The following ERC1 variants were observed in gnomAD, a reference collection of about 807,000 sequenced individuals.
ERC1 encodes ELKS/RAB6-interacting/CAST family member 1.
A neutral mutation model predicts 132.0 loss-of-function variants in ERC1; 56 were observed. The observed-to-expected ratio is 0.42, with a 90% CI of 0.34 to 0.53. The LOEUF (loss-of-function observed/expected upper bound fraction) is 0.53, where lower values mean the gene tolerates loss of function less well. ERC1 is among the 20% of genes least tolerant of loss of function. ERC1 has a pLI of 0.03. For synonymous variants in ERC1, 478 were observed against 476.1 expected (o/e 1.00, Z -0.05); for missense variants, 1,202 against 1,349.9 (o/e 0.89, Z 1.72).
chr12:1,240,079 A>C (rs77384561), intron 13 of ERC1, among the ~76,000 whole-genome samples: 1,795 of 152,340 alleles, frequency 0.012, 26 homozygotes, highest in South Asian at 0.076. Context: ...ACAGAGGAGC[A>C]AGAATGAAGG....
intron 7 of ERC1, among the ~76,000 whole-genome samples, chr12:1,118,897 A>G (rs928143002): frequency 6.6e-6 from 1 of 152,198 alleles, no homozygotes; most frequent in Non-Finnish European, 1.5e-5. Flanking sequence ...TAGAGATAGA[A>G]TCTTACTCTG....
chr12:1,121,512 T>C (rs933194907), intron 7 of ERC1, among the ~76,000 whole-genome samples: 1 of 152,206 alleles, frequency 6.6e-6, no homozygotes, highest in African/African-American at 2.4e-5. Context: ...AGGCATCTTT[T>C]GTGACGAGAT....
intron 18 of ERC1, among the ~76,000 whole-genome samples, chr12:1,484,071 T>TCCA (rs1208349351): frequency 6.6e-5 from 10 of 151,010 alleles, no homozygotes; most frequent in East Asian, 6.0e-4. Context: ...TTTGGGAGGC[T>TCCA]GAGGCGGGCG....
rs1280579926 is a variant in ERC1, at chr12:1,408,213, C to A, written c.2990C>A (p.Ser997Tyr). 1.4e-5 allele frequency: 22 copies of A among 1,613,970 alleles called. No homozygotes were observed. Among genetic ancestry groups the A allele is most frequent in the Non-Finnish European group, 1.9e-5 (22 of 1,179,952 alleles). Reference protein sequence around the residue: ...YEDDHFKSSHSNQTNHKPSPD... With the variant: ...YEDDHFKSSHYNQTNHKPSPD... ...GATGACCACTTCAAATCCTCCCATT[C>A]CAATCAAACAAATCACAAGCCCTCC... The change falls in exon 17 of 19, where the codon TCC becomes TAC. Residue 997 changes from serine to tyrosine, a missense_variant. Ser to Tyr is a moderately radical substitution (Grantham distance 144, BLOSUM62 -2). Transcript: ENST00000360905.
intron 14 of ERC1, among the ~76,000 whole-genome samples, chr12:1,276,818 T>C (rs1038327116): frequency 2.0e-5 from 3 of 152,226 alleles, no homozygotes; most frequent in African/African-American, 7.2e-5. Context: ...GTTTGCAGCA[T>C]CACTGTACTT....
At chr12:1,447,872 A>T (rs1219647416) in intron 18 of ERC1, among the ~76,000 whole-genome samples, 1 of 151,908 alleles carries the variant, frequency 6.6e-6, no homozygotes, top group African/African-American at 2.4e-5. Context: ...CTGGTCTCGA[A>T]CTCCTGAGCT....
intron 2 of ERC1, among the ~76,000 whole-genome samples, chr12:1,069,455 A>C (rs1212406490): frequency 6.6e-6 from 1 of 152,108 alleles, no homozygotes; most frequent in African/African-American, 2.4e-5. Flanking sequence ...TGGAGGTGTA[A>C]TTTATTATAA....
chr12:1,244,456 A>G (rs2076029519), intron 13 of ERC1: 3 of 429,036 alleles, frequency 7.0e-6, no homozygotes, highest in Non-Finnish European at 1.4e-5. Flanking sequence ...AAGTATAATA[A>G]TTCTAGTATT....
intron 15 of ERC1, among the ~76,000 whole-genome samples, chr12:1,357,964 A>G (rs1016575592): frequency 1.7e-4 from 26 of 152,160 alleles, no homozygotes; most frequent in Admixed American, 6.5e-5. Flanking sequence ...CTTGCCAGCT[A>G]TTTTTAAAGG....
At chr12:1,244,745 C>A in intron 13 of ERC1, 1 of 321,704 alleles carries the variant, frequency 3.1e-6, no homozygotes, top group Non-Finnish European at 6.2e-6. Flanking sequence ...CAGGCTGGTC[C>A]TAGCATCATG....
intron 18 of ERC1, among the ~76,000 whole-genome samples, chr12:1,456,358 G>C (rs73599909): frequency 2.0e-5 from 3 of 152,152 alleles, no homozygotes; most frequent in African/African-American, 4.8e-5. Flanking sequence ...TTTTTTGAAG[G>C]CTTAAGTATT....
chr12:1,031,995 T>C (rs892932877), intron 2 of ERC1, among the ~76,000 whole-genome samples: 22 of 152,210 alleles, frequency 1.4e-4, no homozygotes, highest in African/African-American at 5.3e-4. Context: ...CTGGTGGTTC[T>C]GATGAGAAAC....
At chr12:1,036,981 A>G (rs1320854251) in intron 2 of ERC1, among the ~76,000 whole-genome samples, 1 of 152,222 alleles carries the variant, frequency 6.6e-6, no homozygotes, top group Non-Finnish European at 1.5e-5. Flanking sequence ...CAAAATTTGT[A>G]CATGTATGGC....
intron 15 of ERC1, among the ~76,000 whole-genome samples, chr12:1,295,980 C>A (rs2079889791): frequency 1.4e-5 from 2 of 145,476 alleles, no homozygotes; most frequent in Admixed American, 6.8e-5. Context: ...CAGTAGAAAT[C>A]ACCTCTGAGG....
chr12:1,221,038 T>C (rs962885863), intron 12 of ERC1, among the ~76,000 whole-genome samples: 7 of 152,228 alleles, frequency 4.6e-5, no homozygotes, highest in African/African-American at 1.7e-4. Context: ...CCTTATCTCC[T>C]TTCTTCTTTT....
At chr12:1,249,879 A>G (rs956805597) in intron 13 of ERC1, among the ~76,000 whole-genome samples, 1 of 152,214 alleles carries the variant, frequency 6.6e-6, no homozygotes, top group East Asian at 1.9e-4. Context: ...GGAAGGGGCA[A>G]GGCAGCTCTC....
At chr12:1,397,788 T>C (rs1459885018) in intron 16 of ERC1, among the ~76,000 whole-genome samples, 3 of 152,174 alleles carry the variant, frequency 2.0e-5, no homozygotes, top group Non-Finnish European at 2.9e-5. Context: ...CAAATGAATG[T>C]ATTACATAAT....
chr12:1,004,632 C>T (rs1225702534), intron 1 of ERC1, among the ~76,000 whole-genome samples: 1 of 151,876 alleles, frequency 6.6e-6, no homozygotes, highest in Non-Finnish European at 1.5e-5. Context: ...GTCTCAAACT[C>T]CTGACCTTGT....
chr12:1,283,843 T>C (rs549290282), intron 14 of ERC1, among the ~76,000 whole-genome samples: 28 of 152,342 alleles, frequency 1.8e-4, no homozygotes, highest in African/African-American at 6.0e-4. Flanking sequence ...ATGTGTACAA[T>C]GTGTAATGAT....
Sources: allele counts gnomAD v4.1 joint callset (sites outside exome capture counted in the v4.1 genomes callset), GRCh38; gene constraint gnomAD v4.1.1; transcripts MANE v1.5; gene names NCBI Gene and HGNC (gene_info 2026-07-23, HGNC 2026-07-21).